WDR41: variants seen among roughly 807,000 people sequenced by gnomAD.
The protein encoded by WDR41 is WD repeat domain 41, also known as WD repeat-containing protein 41.
WDR41 carries 63 observed loss-of-function variants against 69.3 expected under a neutral mutation model. That is an observed-to-expected ratio of 0.91 (90% CI 0.74 to 1.12). WDR41 has a LOEUF of 1.12. Ranked by LOEUF, WDR41 falls within the 50% of genes most tolerant of loss-of-function variation. The pLI is 0.00. For missense variants in WDR41, 543 were observed against 534.5 expected (o/e 1.02, Z -0.16); for synonymous variants, 185 against 192.1 (o/e 0.96, Z 0.31).
rs1403974038 is a variant in WDR41 at position 77,612,772 on chromosome 5, T to C, written c.42+7707A>G. 1.7e-4 allele frequency among the ~76,000 whole-genome samples: 26 copies of C among 149,328 alleles called. No individual in the cohort carries two copies. In the South Asian group the frequency reaches 4.9e-3, roughly 28 times the overall value. On this transcript the variant is annotated intron_variant, in intron 1 of 5. Coordinates refer to the WDR41 transcript ENST00000509971. The stretch of plus-strand genomic sequence containing the variant: ...CCTCTCTCACCACTCCTATTCAACA[T>C]AGTGTTGGAAGTTCTGGCCAGGGCA...
intron 1 of WDR41, among the ~76,000 whole-genome samples, chr5:77,506,559 A>G (rs1163779979): frequency 2.6e-5 from 4 of 152,234 alleles, no homozygotes; most frequent in African/African-American, 9.7e-5. Flanking sequence ...AGGGTTATAA[A>G]TCATGCTGCT....
chr5:77,496,548 A>G (rs1458717156), upstream of WDR41, among the ~76,000 whole-genome samples: 1 of 152,110 alleles, frequency 6.6e-6, no homozygotes, highest in African/African-American at 2.4e-5. Context: ...ATAGGAATAA[A>G]TCTAACCCTG....
intron 1 of WDR41, among the ~76,000 whole-genome samples, chr5:77,543,232 T>C (rs1202215606): frequency 6.6e-6 from 1 of 152,058 alleles, no homozygotes; most frequent in Non-Finnish European, 1.5e-5. Context: ...TCTGGTAATA[T>C]GACAAAACAA....
intron 1 of WDR41, among the ~76,000 whole-genome samples, chr5:77,591,349 C>A (rs1029807892): frequency 6.6e-6 from 1 of 152,044 alleles, no homozygotes; most frequent in African/African-American, 2.4e-5. Flanking sequence ...TTTCAAAGAA[C>A]AACTTTTGGC....
At chr5:77,514,395 CTT>C (rs1802262035) in intron 1 of WDR41, among the ~76,000 whole-genome samples, 1 of 152,158 alleles carries the variant, frequency 6.6e-6, no homozygotes, top group East Asian at 1.9e-4. Flanking sequence ...CAATGCCTGT[CTT>C]AACATTTCAA....
At chr5:77,563,107 A>G (rs1743555093) in intron 1 of WDR41, among the ~76,000 whole-genome samples, 1 of 152,166 alleles carries the variant, frequency 6.6e-6, no homozygotes, top group Non-Finnish European at 1.5e-5. Flanking sequence ...TGTTGAATGA[A>G]TGAATGATAA....
At chr5:77,460,486 G>A (rs17751165) in intron 4 of WDR41, among the ~76,000 whole-genome samples, 16,634 of 152,076 alleles carry the variant, frequency 0.11, 1,177 homozygotes, top group East Asian at 0.24. Context: ...AGTAACCTGA[G>A]CTCCTAAGGC....
intron 1 of WDR41, among the ~76,000 whole-genome samples, chr5:77,581,288 G>A (rs1743934987): frequency 6.6e-6 from 1 of 152,080 alleles, no homozygotes; most frequent in South Asian, 2.1e-4. Flanking sequence ...ATGATAAAAG[G>A]TCAATCTACC....
At chr5:77,435,547 A>G (rs1045009761) in intron 12 of WDR41, among the ~76,000 whole-genome samples, 3 of 152,212 alleles carry the variant, frequency 2.0e-5, no homozygotes, top group African/African-American at 7.2e-5. Context: ...CTAAGCATGA[A>G]TGCCCTTTCA....
At chr5:77,498,970 G>T (rs908058492) in intron 1 of WDR41, among the ~76,000 whole-genome samples, 8 of 152,072 alleles carry the variant, frequency 5.3e-5, no homozygotes, top group Non-Finnish European at 1.2e-4. Context: ...ACACTGTTAA[G>T]AGAATAAAAA....
At chr5:77,476,013 T>G (rs1225570693) in intron 2 of WDR41, among the ~76,000 whole-genome samples, 1 of 151,984 alleles carries the variant, frequency 6.6e-6, no homozygotes, top group East Asian at 1.9e-4. Context: ...GCTCCAGAAC[T>G]ACATGAAGAA....
chr5:77,580,799 C>CA (rs1201350796), intron 1 of WDR41, among the ~76,000 whole-genome samples: 1 of 151,182 alleles, frequency 6.6e-6, no homozygotes, highest in Non-Finnish European at 1.5e-5. Context: ...ACTAAAAATA[C>CA]AAAAAAATTA....
At chr5:77,588,463 A>C (rs1459663922) in intron 1 of WDR41, among the ~76,000 whole-genome samples, 1 of 152,216 alleles carries the variant, frequency 6.6e-6, no homozygotes, top group African/African-American at 2.4e-5. Context: ...TGTGTGTAAC[A>C]TAAGATAAAG....
At position 77,449,757 on chromosome 5, in the gene WDR41, T is replaced by G; in HGVS notation, c.697+3A>C. 2.5e-6 allele frequency: 4 copies of G among 1,591,500 alleles called. No individual in the cohort carries two copies. The highest frequency in any genetic ancestry group is 3.4e-6 in the Non-Finnish European group (4 of 1,159,954). On this transcript the variant is annotated splice_donor_region_variant and intron_variant, in intron 8 of 12. Coordinates refer to ENST00000296679, the MANE Select transcript of WDR41 (RefSeq NM_018268.4). ...ACATAATAAATGTACACAATGAGCT[T>G]ACCATTGACATTAATCAATGAGAGA...
chr5:77,613,290 A>C (rs964987206), intron 1 of WDR41, among the ~76,000 whole-genome samples: 2 of 152,090 alleles, frequency 1.3e-5, no homozygotes, highest in African/African-American at 2.4e-5. Flanking sequence ...ATTGGAAAAA[A>C]CTACTTTAAA....
At chr5:77,553,594 A>G (rs1391035768) in intron 1 of WDR41, among the ~76,000 whole-genome samples, 2 of 152,238 alleles carry the variant, frequency 1.3e-5, no homozygotes, top group African/African-American at 4.8e-5. Flanking sequence ...ATATGTAAAG[A>G]ACTCTCAAAA....
chr5:77,438,231 A>C lies in WDR41; in HGVS notation c.1004+9T>G. 6.2e-7 allele frequency: 1 copy of C among 1,613,816 alleles called. No individual in the cohort carries two copies. The highest frequency in any genetic ancestry group is 8.5e-7 in the Non-Finnish European group (1 of 1,179,766). ...TTTCATCTATTGCAGAACAGATGGG[A>C]ACTTGTACCTGTTTGGAAGTCTGGC... is the stretch of plus-strand genomic sequence containing the variant. On this transcript the variant is annotated intron_variant, in intron 10 of 12. Transcript: ENST00000296679.
chr5:77,590,898 C>T (rs1407564586), intron 1 of WDR41, among the ~76,000 whole-genome samples: 1 of 152,108 alleles, frequency 6.6e-6, no homozygotes, highest in Non-Finnish European at 1.5e-5. Context: ...TTGGAAAGTG[C>T]TCCCTCTTTT....
intron 2 of WDR41, among the ~76,000 whole-genome samples, chr5:77,484,018 T>C (rs1801404173): frequency 6.6e-6 from 1 of 152,232 alleles, no homozygotes; most frequent in African/African-American, 2.4e-5. Flanking sequence ...AGTAAGGGTA[T>C]TTTGTAGTTG....
Sources: gnomAD v4.1 joint callset for allele counts (sites outside exome capture counted in the v4.1 genomes callset) on GRCh38, gnomAD v4.1.1 for gene constraint, MANE v1.5 for transcripts, NCBI Gene and HGNC (gene_info 2026-07-23, HGNC 2026-07-21) for gene names.